Variants in MAD1L1 observed in about 807,000 individuals in gnomAD.
MAD1L1 encodes mitotic arrest deficient 1 like 1.
A neutral mutation model predicts 96.9 loss-of-function variants in MAD1L1; 95 were observed. That is an observed-to-expected ratio of 0.98 (90% CI 0.83 to 1.16). MAD1L1 has a LOEUF of 1.16. Ranked by LOEUF, MAD1L1 falls within the 50% of genes most tolerant of loss-of-function variation. MAD1L1 has a pLI of 0.00. For missense variants in MAD1L1, 1,007 were observed against 954.4 expected (o/e 1.06, Z -0.73); for synonymous variants, 473 against 396.6 (o/e 1.19, Z -2.29).
At chr7:1,919,394 T>C (rs766627583) in intron 17 of MAD1L1, among the ~76,000 whole-genome samples, 14 of 152,240 alleles carry the variant, frequency 9.2e-5, no homozygotes, top group Non-Finnish European at 1.3e-4. Flanking sequence ...CTCCCTGACC[T>C]GGTGCAGGAG....
chr7:2,200,058 A>G (rs1792202108), intron 10 of MAD1L1, among the ~76,000 whole-genome samples: 1 of 152,192 alleles, frequency 6.6e-6, no homozygotes, highest in Non-Finnish European at 1.5e-5. Flanking sequence ...AGGGTCTCAG[A>G]GCTCTTCCCA....
rs143726413 is a variant in MAD1L1, at chr7:2,070,319, G to A, written c.1074-981C>T. 7.4e-3 allele frequency among the ~76,000 whole-genome samples: 1,132 copies of A among 152,332 alleles called. 15 individuals carry two copies. Among genetic ancestry groups the A allele is most frequent in the African/African-American group, 0.026 (1,066 of 41,572 alleles). ...CTCACGGGAGGGGCTCCCAGGAAGG[G>A]CACAGTGAGGCGCAGAGAGGAGAGG... On this transcript the variant is annotated intron_variant, in intron 11 of 18. Coordinates refer to ENST00000265854, the MANE Select transcript of MAD1L1 (RefSeq NM_001013836.2).
At chr7:2,138,916 T>C (rs1465096481) in intron 11 of MAD1L1, among the ~76,000 whole-genome samples, 3 of 152,178 alleles carry the variant, frequency 2.0e-5, no homozygotes, top group African/African-American at 7.2e-5. Context: ...TCTCCACTCA[T>C]CTTGCAAAGC....
intron 18 of MAD1L1, among the ~76,000 whole-genome samples, chr7:1,844,492 A>G (rs1783477408): frequency 6.6e-6 from 1 of 151,998 alleles, no homozygotes; most frequent in African/African-American, 2.4e-5. Flanking sequence ...CCGCTGAAGG[A>G]GCTTGACACG....
chr7:1,819,488 A>G (rs948699835), intron 18 of MAD1L1, among the ~76,000 whole-genome samples: 20 of 152,268 alleles, frequency 1.3e-4, no homozygotes, highest in South Asian at 4.1e-4. Context: ...GCCCCTCTGG[A>G]AGCAGAGAGG....
chr7:2,181,900 A>G (rs558517688), intron 10 of MAD1L1, among the ~76,000 whole-genome samples: 1 of 152,274 alleles, frequency 6.6e-6, no homozygotes, highest in South Asian at 2.1e-4. Flanking sequence ...GGAGTTGGAG[A>G]CCATTCTTCT....
chr7:1,874,547 T>TAA (rs748792228), intron 18 of MAD1L1: 12 of 369,300 alleles, frequency 3.2e-5, no homozygotes, highest in South Asian at 1.0e-4. Context: ...GCGGCTTCCT[T>TAA]AAAAAAAAAA....
At chr7:2,044,784 G>T (rs963489596) in intron 12 of MAD1L1, among the ~76,000 whole-genome samples, 1 of 152,204 alleles carries the variant, frequency 6.6e-6, no homozygotes, top group Non-Finnish European at 1.5e-5. Flanking sequence ...CAGTGAGACA[G>T]ACCCCAAGAA....
intron 10 of MAD1L1, among the ~76,000 whole-genome samples, chr7:2,158,794 G>A (rs1584451004): frequency 6.6e-6 from 1 of 152,304 alleles, no homozygotes; most frequent in East Asian, 1.9e-4. Flanking sequence ...CTGAAGACAG[G>A]GGACTAATGC....
At chr7:1,846,752 C>G (rs6953693) in intron 18 of MAD1L1, 59,188 of 167,604 alleles carry the variant, frequency 0.35, 10,740 homozygotes, top group East Asian at 0.44. Context: ...GACGCCCCCC[C>G]ACCGCTCCCC....
intron 15 of MAD1L1, among the ~76,000 whole-genome samples, chr7:1,979,254 A>G (rs1780784454): frequency 6.6e-6 from 1 of 152,170 alleles, no homozygotes; most frequent in African/African-American, 2.4e-5. Flanking sequence ...ATCTCACTGC[A>G]GGGCCATTTG....
chr7:2,177,923 CCTTACACCACTT>C (rs879506124), intron 10 of MAD1L1, among the ~76,000 whole-genome samples: 2,045 of 152,258 alleles, frequency 0.013, 35 homozygotes, highest in South Asian at 0.032. Context: ...CAAGAGCAAC[CCTTACACCACTT>C]TCAAACACAC....
intron 12 of MAD1L1, among the ~76,000 whole-genome samples, chr7:2,048,956 A>C (rs1784051823): frequency 6.6e-6 from 1 of 152,210 alleles, no homozygotes; most frequent in African/African-American, 2.4e-5. Context: ...TCTTATTTTT[A>C]ATGTGATTTT....
intron 11 of MAD1L1, among the ~76,000 whole-genome samples, chr7:2,130,360 A>C (rs1432056604): frequency 6.6e-6 from 1 of 152,194 alleles, no homozygotes; most frequent in South Asian, 2.1e-4. Context: ...ACGCCATTAC[A>C]GCCCCCAACT....
At chr7:2,094,268 T>TCTGCA (rs1177601858) in intron 11 of MAD1L1, among the ~76,000 whole-genome samples, 5 of 152,112 alleles carry the variant, frequency 3.3e-5, no homozygotes, top group Admixed American at 6.5e-5. Context: ...CAGCACTCCC[T>TCTGCA]CTGGATGCAG....
intron 18 of MAD1L1, among the ~76,000 whole-genome samples, chr7:1,818,116 C>G (rs1394434708): frequency 2.6e-5 from 4 of 152,158 alleles, no homozygotes; most frequent in Non-Finnish European, 4.4e-5. Context: ...CTTCTGCCTT[C>G]TGCTCTTGAT....
At chr7:1,856,426 G>C (rs541969602) in intron 18 of MAD1L1, among the ~76,000 whole-genome samples, 3 of 152,230 alleles carry the variant, frequency 2.0e-5, no homozygotes, top group African/African-American at 7.2e-5. Context: ...GGCCCCTGCC[G>C]GGGTTGGGGG....
At chr7:2,036,993 G>A (rs1263571370) in intron 12 of MAD1L1, among the ~76,000 whole-genome samples, 4 of 152,012 alleles carry the variant, frequency 2.6e-5, no homozygotes, top group Non-Finnish European at 5.9e-5. Context: ...CACAGCACGA[G>A]CTTCCGCGTG....
At chr7:2,209,483 C>A (rs1416520394) in intron 10 of MAD1L1, among the ~76,000 whole-genome samples, 1 of 152,190 alleles carries the variant, frequency 6.6e-6, no homozygotes, top group African/African-American at 2.4e-5. Context: ...ATGGGACAGC[C>A]AGAAGCGCCC....
Sources: gnomAD v4.1 joint callset for allele counts (sites outside exome capture counted in the v4.1 genomes callset) on GRCh38, gnomAD v4.1.1 for gene constraint, MANE v1.5 for transcripts, NCBI Gene and HGNC (gene_info 2026-07-23, HGNC 2026-07-21) for gene names.